CFAP58: variants seen among roughly 807,000 people sequenced by gnomAD.
The protein encoded by CFAP58 is cilia and flagella associated protein 58, also known as cilia- and flagella-associated protein 58.
CFAP58 carries 88 observed loss-of-function variants against 119.5 expected under a neutral mutation model. The observed-to-expected ratio is 0.74, with a 90% CI of 0.62 to 0.88. The LOEUF (loss-of-function observed/expected upper bound fraction) is 0.88, where lower values mean the gene tolerates loss of function less well. Among genes scored for constraint, CFAP58 ranks in the 40% least tolerant of loss-of-function variants. The pLI, the probability that CFAP58 is intolerant of heterozygous loss-of-function variation, is 0.00. For missense variants in CFAP58, 990 were observed against 1,021.2 expected (o/e 0.97, Z 0.42); for synonymous variants, 365 against 366.3 (o/e 1.00, Z 0.04).
Position 104,380,058 on chromosome 10 carries a change from G to A in CFAP58, c.1203G>A (p.Gln401=), listed in dbSNP as rs1182538228. 5.6e-6 allele frequency: 9 copies of A among 1,613,982 alleles called. No homozygotes were observed. In the East Asian group the frequency reaches 2.0e-4, roughly 36 times the overall value. The change falls in exon 9 of 18, where the codon CAG becomes CAA. Residue 401 remains glutamine, a synonymous_variant. Coordinates refer to ENST00000369704, the MANE Select transcript of CFAP58 (RefSeq NM_001008723.2). ...TGCTTAAGGCGGTCAATGCGACCCAGAAGCAGACAGACTTGGTAAAGCTCC... is the reference window on the plus strand; with the variant it reads ...TGCTTAAGGCGGTCAATGCGACCCAAAAGCAGACAGACTTGGTAAAGCTCC... The part of the protein sequence containing the change: ...KNMLKAVNAT[Q]KQTDLVKLHE...
At chr10:104,345,206 G>A in the CFAP58 span, among the ~76,000 whole-genome samples, 3 of 152,072 alleles carry the variant, frequency 2.0e-5, no homozygotes, top group South Asian at 6.2e-4. Flanking sequence ...TTTTATAGAT[G>A]CCTATCCTTG....
At chr10:104,371,794 A>G (rs529689140) in intron 7 of CFAP58, among the ~76,000 whole-genome samples, 5 of 152,184 alleles carry the variant, frequency 3.3e-5, no homozygotes, top group Non-Finnish European at 7.3e-5. Flanking sequence ...AAAATACAGT[A>G]TACTTGTCAA....
At chr10:104,355,579 C>T (rs1417111009) in intron 1 of CFAP58, among the ~76,000 whole-genome samples, 1 of 152,220 alleles carries the variant, frequency 6.6e-6, no homozygotes, top group Non-Finnish European at 1.5e-5. Context: ...TTTCCCTTTT[C>T]CTTCTCCCCA....
chr10:104,380,217 A>G lies in CFAP58; in HGVS notation c.1362A>G (p.Gln454=). The G allele has an allele frequency of 6.2e-7, 1 of 1,613,300 alleles. No individual in the cohort carries two copies. Among genetic ancestry groups the G allele is most frequent in the Non-Finnish European group, 8.5e-7 (1 of 1,179,628 alleles). ...TCAACCAAGCCAGTGACCTTACGCAAAAGGTAAGCTGCTCAGTGATGTTGT... is the reference window on the plus strand; with the variant it reads ...TCAACCAAGCCAGTGACCTTACGCAGAAGGTAAGCTGCTCAGTGATGTTGT... ...RYINQASDLT[Q]KVLMNMEDIK... The change falls in exon 9 of 18, where the codon CAA becomes CAG. Residue 454 remains glutamine (Q), a synonymous_variant. Coordinates refer to ENST00000369704, the MANE Select transcript of CFAP58 (RefSeq NM_001008723.2).
chr10:104,444,711 A>G (rs1328243253), intron 15 of CFAP58, among the ~76,000 whole-genome samples: 2 of 152,242 alleles, frequency 1.3e-5, no homozygotes, highest in Admixed American at 6.5e-5. Context: ...CACTGTAAGC[A>G]TTGACCAAAA....
chr10:104,454,502 C>G lies in CFAP58; in HGVS notation c.2591C>G (p.Pro864Arg). The G allele has an allele frequency of 6.2e-7, 1 of 1,613,760 alleles. No individual in the cohort carries two copies. The highest frequency in any genetic ancestry group is 8.5e-7 in the Non-Finnish European group (1 of 1,179,754). The change falls in exon 18 of 18, where the codon CCT (proline) becomes CGT (arginine). Residue 864 changes from proline to arginine, a missense_variant. Physicochemically the swap from Pro to Arg is moderately radical, Grantham distance 103 (BLOSUM62 -2). Transcript: ENST00000369704. ...CCTGGTTTTACTGGGGGCGGATTTC[C>G]TCTCAGGTCAACCAAAATGACGTTC... ...NGPGFTGGGF[P>R]LRSTKMTF
chr10:104,367,910 G>C (rs974346805), intron 5 of CFAP58, among the ~76,000 whole-genome samples: 1 of 152,218 alleles, frequency 6.6e-6, no homozygotes, highest in Non-Finnish European at 1.5e-5. Flanking sequence ...CTTTGCTGCT[G>C]TTCCACGGTT....
At chr10:104,349,970 G>A (rs1479043972), upstream of CFAP58, among the ~76,000 whole-genome samples, 1 of 152,228 alleles carries the variant, frequency 6.6e-6, no homozygotes, top group African/African-American at 2.4e-5. Flanking sequence ...GTAACAAGGA[G>A]TGAGTGATGG....
chr10:104,413,385 G>T (rs1355109143), intron 15 of CFAP58, among the ~76,000 whole-genome samples: 2 of 152,184 alleles, frequency 1.3e-5, no homozygotes, highest in Non-Finnish European at 2.9e-5. Context: ...CGTGAAAATG[G>T]TTCTTGAGAC....
At chr10:104,402,582 C>T (rs1386654948) in intron 13 of CFAP58, among the ~76,000 whole-genome samples, 6 of 152,158 alleles carry the variant, frequency 3.9e-5, no homozygotes, top group Non-Finnish European at 2.9e-5. Context: ...TTCGATAGGG[C>T]GACAGCCAGC....
rs1564908474 is a variant in CFAP58 at position 104,450,053 on chromosome 10, C to T, written c.2377-18C>T. 6.3e-7 allele frequency: 1 copy of T among 1,585,312 alleles called. No homozygotes were observed. Among genetic ancestry groups the T allele is most frequent in the East Asian group, 2.2e-5 (1 of 44,596 alleles). On this transcript the variant is annotated intron_variant, in intron 16 of 17. Transcript: ENST00000369704. ...GATATTGTATCTTTTGTTAATGCTG[C>T]TTTATTTGCCATGTTAGGTTTTGTC...
At chr10:104,411,824 T>C (rs1439498796) in intron 15 of CFAP58, among the ~76,000 whole-genome samples, 2 of 152,038 alleles carry the variant, frequency 1.3e-5, no homozygotes, top group Non-Finnish European at 2.9e-5. Flanking sequence ...GGTCTTCCTG[T>C]CCCAGTGGGT....
chr10:104,426,109 G>A (rs1164207682), intron 15 of CFAP58, among the ~76,000 whole-genome samples: 5 of 152,188 alleles, frequency 3.3e-5, no homozygotes, highest in Non-Finnish European at 7.3e-5. Context: ...GTGCTCACCT[G>A]TAGTCCCAGC....
intron 15 of CFAP58, 118 bp from the exon 16 acceptor site, chr10:104,447,580 C>A: frequency 8.3e-7 from 1 of 1,209,882 alleles, no homozygotes; most frequent in Non-Finnish European, 1.2e-6. Flanking sequence ...AATGTGATCA[C>A]TGTGGAGCTG....
At chr10:104,382,500 C>T in intron 9 of CFAP58, 1 of 326,332 alleles carries the variant, frequency 3.1e-6, no homozygotes, top group Non-Finnish European at 5.7e-6. Context: ...TCTGTCACCT[C>T]TCCCTGGGGC....
In CFAP58 at chr10:104,403,797, A is replaced by G. The variant is rs777983565; in HGVS notation, c.2108A>G (p.Glu703Gly). 23 of 1,611,852 alleles carry G rather than the reference A, an allele frequency of 1.4e-5. No individual in the cohort carries two copies. The highest frequency in any genetic ancestry group is 2.2e-5 in the East Asian group (1 of 44,832). The change falls in exon 14 of 18, where the codon GAG becomes GGG. Residue 703 changes from glutamate to glycine, a missense_variant. Transcript: ENST00000369704. The stretch of plus-strand genomic sequence containing the variant: ...ACACGCTGCCGAGCCCTGGAGGAGG[A>G]GCTGGAGAATCCCCTGAATGTGCAC... ...ERTRCRALEE[E>G]LENPLNVHRW...
At position 104,450,053 on chromosome 10, in the gene CFAP58, C is replaced by CT. The variant is rs1301367795; in HGVS notation, c.2377-15dup. ...GATATTGTATCTTTTGTTAATGCTGCTTTATTTGCCATGTTAGGTTTTGTC... is the reference window on the plus strand; with the variant it reads ...GATATTGTATCTTTTGTTAATGCTGCTTTTATTTGCCATGTTAGGTTTTGTC... On this transcript the variant is annotated splice_polypyrimidine_tract_variant and intron_variant, in intron 16 of 17. Transcript: ENST00000369704. 3 of 1,585,312 alleles carry CT rather than the reference C, an allele frequency of 1.9e-6. No individual in the cohort carries two copies. The Admixed American group carries it at 5.8e-5, about 30-fold the overall frequency.
At chr10:104,401,758 C>CT (rs905060949) in intron 13 of CFAP58, among the ~76,000 whole-genome samples, 96 of 141,426 alleles carry the variant, frequency 6.8e-4, no homozygotes, top group Admixed American at 1.6e-3. Context: ...AATACTTTTT[C>CT]TTTTTTTTTT....
At chr10:104,453,877 A>G (rs75935975) in intron 17 of CFAP58, among the ~76,000 whole-genome samples, 2,526 of 152,014 alleles carry the variant, frequency 0.017, 68 homozygotes, top group African/African-American at 0.057. Context: ...AATACTATTT[A>G]TCTTCCCCAG....
Sources: allele counts gnomAD v4.1 joint callset (sites outside exome capture counted in the v4.1 genomes callset), GRCh38; gene constraint gnomAD v4.1.1; transcripts MANE v1.5; gene names NCBI Gene and HGNC (gene_info 2026-07-23, HGNC 2026-07-21).